ASAP2: variants seen among roughly 807,000 people sequenced by gnomAD.
ASAP2 encodes the protein ArfGAP with SH3 domain, ankyrin repeat and PH domain 2.
Under a neutral mutation model 131.4 loss-of-function variants are expected in ASAP2, and 45 were observed. That is an observed-to-expected ratio of 0.34 (90% confidence interval 0.27 to 0.44). ASAP2 has a LOEUF of 0.44. Ranked by LOEUF, ASAP2 falls within the 20% of genes least tolerant of loss-of-function variation. The probability of loss-of-function intolerance (pLI) is 1.00; values close to 1 mark genes in which losing one functional copy is unlikely to be tolerated. For synonymous variants in ASAP2, 510 were observed against 503.0 expected, an observed-to-expected ratio of 1.01 and a Z score of -0.19; for missense variants, 1,011 against 1,297.0, an observed-to-expected ratio of 0.78 and a Z score of 3.39.
intron 1 of ASAP2, among the ~76,000 whole-genome samples, chr2:9,230,407 T>C (rs1018684938): frequency 3.3e-5 from 5 of 152,150 alleles, no homozygotes; most frequent in African/African-American, 9.7e-5. Flanking sequence ...GCAGGCGAGT[T>C]TCCCAAGCCG....
rs147939174 is a variant in ASAP2 at position 9,388,318 on chromosome 2, C to T, written c.2155C>T (p.Arg719Trp). The T allele has an allele frequency of 2.4e-5, 38 of 1,614,034 alleles. No homozygotes were observed. The highest frequency in any genetic ancestry group is 3.0e-5 in the Non-Finnish European group (35 of 1,180,040). ...GCCCAGTCCCAACCGGCGGGAAGAC[C>T]GGCCCATCAGCTTCTACCAGCTGGG... is the stretch of plus-strand genomic sequence containing the variant. ...LQPSPNRRED[R>W]PISFYQLGSN... Residue 719 changes from arginine (R) to tryptophan (W), a missense_variant, in exon 22 of 28, where the codon CGG becomes TGG. This residue lies in a region of ASAP2 where 652 missense variants were observed against 698.9 expected (regional missense o/e 0.93). Transcript: ENST00000281419.
At chr2:9,371,843 G>A (rs977788814) in intron 16 of ASAP2, among the ~76,000 whole-genome samples, 1 of 152,110 alleles carries the variant, frequency 6.6e-6, no homozygotes, top group African/African-American at 2.4e-5. Flanking sequence ...AGGGCCGGGC[G>A]CGGTGGCTCA....
At position 9,403,450 on chromosome 2, in the gene ASAP2, C is replaced by A; in HGVS notation, c.*123C>A. 1.2e-6 allele frequency: 1 copy of A among 843,810 alleles called. No individual in the cohort carries two copies. The allele number at this position is 843,810 out of a possible 1,614,324, so 52.3% of individuals were successfully genotyped here. A position where few individuals can be genotyped will look rare whatever the true frequency, so the allele number is the denominator to read the frequency against. ...CAGCCCATGTTCTCTAATGCCACTG[C>A]TCTGTTTTAAAAACTCAGAGGCAAT... On this transcript the variant is annotated 3_prime_UTR_variant, in exon 28 of 28. Transcript: ENST00000281419.
At chr2:9,272,176 A>G (rs1666445083) in intron 1 of ASAP2, among the ~76,000 whole-genome samples, 2 of 152,304 alleles carry the variant, frequency 1.3e-5, no homozygotes, top group South Asian at 4.1e-4. Flanking sequence ...ATTCCCACCA[A>G]TAGTGTACAG....
At position 9,330,506 on chromosome 2, in the gene ASAP2, G is replaced by C. The variant is rs188614505; in HGVS notation, c.686+2595G>C. Among the ~76,000 whole-genome samples, 5 of 152,150 alleles carry C rather than the reference G, an allele frequency of 3.3e-5. No individual in the cohort carries two copies. The East Asian group carries it at 7.7e-4, about 24-fold the overall frequency. On this transcript the variant is annotated intron_variant, in intron 7 of 27. Transcript: ENST00000281419. ...ATGGATACCCTAAAAGCCCTAAGTTGACCACCAGGCCTATAACAAAACTGC... is the reference window on the plus strand; with the variant it reads ...ATGGATACCCTAAAAGCCCTAAGTTCACCACCAGGCCTATAACAAAACTGC...
At chr2:9,400,231 C>CCCTCCCCTCCTGCCT (rs1676523370) in intron 25 of ASAP2, among the ~76,000 whole-genome samples, 159 bp downstream of exon 25, 1 of 61,506 alleles carries the variant, frequency 1.6e-5, no homozygotes, top group Non-Finnish European at 3.2e-5. Context: ...CCCTCCTGCC[C>CCCTCCCCTCCTGCCT]CCTCCCCTCC....
At chr2:9,210,656 G>A (rs1285075015) in intron 1 of ASAP2, among the ~76,000 whole-genome samples, 2 of 151,842 alleles carry the variant, frequency 1.3e-5, no homozygotes, top group Non-Finnish European at 2.9e-5. Flanking sequence ...CCAGGTTCAT[G>A]CCATTCTCCT....
chr2:9,221,240 T>C lies in ASAP2; in HGVS notation c.126+14010T>C, dbSNP rs1053682887. On this transcript the variant is annotated intron_variant, in intron 1 of 27. Transcript: ENST00000281419. Reference sequence around the variant, plus strand: ...GGTTATGTTGACACTGTAGTTCAATTTGGGGAGTATAGACATCTTAACAAT... The same window carrying C: ...GGTTATGTTGACACTGTAGTTCAATCTGGGGAGTATAGACATCTTAACAAT... Among the ~76,000 whole-genome samples the C allele has an allele frequency of 7.9e-5, 12 of 152,278 alleles. No individual in the cohort carries two copies. The East Asian group carries it at 1.7e-3, about 22-fold the overall frequency.
At chr2:9,352,376 C>CT (rs1184587322) in intron 12 of ASAP2, among the ~76,000 whole-genome samples, 1 of 148,570 alleles carries the variant, frequency 6.7e-6, no homozygotes, top group African/African-American at 2.6e-5. Flanking sequence ...GGTTTTAGGC[C>CT]TTTCTGTTTT....
At chr2:9,386,490 C>T (rs1319219488) in intron 21 of ASAP2, among the ~76,000 whole-genome samples, 1 of 152,160 alleles carries the variant, frequency 6.6e-6, no homozygotes, top group Non-Finnish European at 1.5e-5. Flanking sequence ...GTTGCATAGT[C>T]CAAGGAAAAG....
chr2:9,347,858 GAAGA>G (rs929384286), intron 11 of ASAP2, among the ~76,000 whole-genome samples: 9 of 152,168 alleles, frequency 5.9e-5, no homozygotes, highest in African/African-American at 2.2e-4. Context: ...GATCAGTCAT[GAAGA>G]AAGAAGAAAA....
intron 16 of ASAP2, among the ~76,000 whole-genome samples, chr2:9,370,124 C>T (rs1043039284): frequency 1.9e-4 from 29 of 152,192 alleles, no homozygotes; most frequent in Non-Finnish European, 3.8e-4. Context: ...AGACATGAGC[C>T]ACTGTACCTG....
At chr2:9,342,481 A>T (rs748485366) in intron 9 of ASAP2, among the ~76,000 whole-genome samples, 1 of 152,218 alleles carries the variant, frequency 6.6e-6, no homozygotes, top group Non-Finnish European at 1.5e-5. Context: ...TTGGTCCCTT[A>T]CCTCACACCA....
chr2:9,276,378 A>G (rs985803022), intron 1 of ASAP2, among the ~76,000 whole-genome samples: 2 of 152,104 alleles, frequency 1.3e-5, no homozygotes, highest in African/African-American at 4.8e-5. Flanking sequence ...TACATGTGAA[A>G]GTGATGGAGA....
intron 1 of ASAP2, among the ~76,000 whole-genome samples, chr2:9,237,413 T>TC: frequency 7.4e-6 from 1 of 135,656 alleles, no homozygotes; most frequent in Non-Finnish European, 1.6e-5. Flanking sequence ...GGTCTTTTGG[T>TC]CTTTTTTTTT....
At chr2:9,339,882 G>T (rs1430057802) in intron 9 of ASAP2, among the ~76,000 whole-genome samples, 1 of 152,164 alleles carries the variant, frequency 6.6e-6, no homozygotes, top group Non-Finnish European at 1.5e-5. Context: ...TTCACTCTAG[G>T]GGAGGAGGGA....
At chr2:9,279,265 A>G in intron 1 of ASAP2, 52 bp from the exon 2 acceptor site, 1 of 1,555,364 alleles carries the variant, frequency 6.4e-7, no homozygotes, top group South Asian at 1.1e-5. Flanking sequence ...GCTCGCTGCT[A>G]GCGTGGTCTC....
At chr2:9,282,196 G>T (rs1667171012) in intron 2 of ASAP2, among the ~76,000 whole-genome samples, 2 of 152,152 alleles carry the variant, frequency 1.3e-5, no homozygotes, top group Non-Finnish European at 2.9e-5. Context: ...TGACCTTGGA[G>T]GGGGTCTCCT....
chr2:9,393,043 A>C (rs574963977), intron 23 of ASAP2, among the ~76,000 whole-genome samples: 1 of 152,224 alleles, frequency 6.6e-6, no homozygotes, highest in South Asian at 2.1e-4. Context: ...CTCTCCTCAG[A>C]TCCACCCTGC....
Sources: gnomAD v4.1 joint callset for allele counts (sites outside exome capture counted in the v4.1 genomes callset) on GRCh38, gnomAD v4.1.1 for gene constraint, gnomAD v4.1.1 regional missense constraint, MANE v1.5 for transcripts, NCBI Gene and HGNC (gene_info 2026-07-23, HGNC 2026-07-21) for gene names.